Variants in SCN8A observed in about 807,000 individuals in gnomAD.
SCN8A encodes the protein sodium channel protein type 8 subunit alpha.
SCN8A carries 30 observed loss-of-function variants against 184.1 expected under a neutral mutation model. That is an observed-to-expected ratio of 0.16 (90% confidence interval 0.12 to 0.22). The LOEUF is 0.22. SCN8A is among the 10% of genes least tolerant of loss of function. The probability of loss-of-function intolerance (pLI) is 1.00; values close to 1 mark genes in which losing one functional copy is unlikely to be tolerated. For missense variants in SCN8A, 1,057 were observed against 2,498.9 expected (o/e 0.42, Z 12.30); for synonymous variants, 852 against 907.0 (o/e 0.94, Z 1.09).
At chr12:51,756,871 A>G (rs1272491905) in intron 14 of SCN8A, among the ~76,000 whole-genome samples, 1 of 152,226 alleles carries the variant, frequency 6.6e-6, no homozygotes, top group African/African-American at 2.4e-5. Flanking sequence ...AATCTGACAT[A>G]TAAGTTTAAG....
chr12:51,643,103 G>C (rs1432071873), intron 1 of SCN8A, among the ~76,000 whole-genome samples: 1 of 152,136 alleles, frequency 6.6e-6, no homozygotes, highest in African/African-American at 2.4e-5. Context: ...CAACCTGAGT[G>C]TTCCCTGAGT....
chr12:51,773,228 C>T (rs1469756830), intron 19 of SCN8A, among the ~76,000 whole-genome samples: 1 of 152,224 alleles, frequency 6.6e-6, no homozygotes, highest in Non-Finnish European at 1.5e-5. Flanking sequence ...TCAGAGCAAG[C>T]ACTTCCCATT....
chr12:51,757,166 G>A (rs1942688764), intron 14 of SCN8A, among the ~76,000 whole-genome samples: 1 of 152,192 alleles, frequency 6.6e-6, no homozygotes, highest in Non-Finnish European at 1.5e-5. Flanking sequence ...TTAAAACTGG[G>A]ACAGTCCTTG....
rs1665298730 is a variant in SCN8A at position 51,706,655 on chromosome 12, A to G, written c.1575A>G (p.Arg525=). The G allele has an allele frequency of 1.9e-6, 3 of 1,603,222 alleles. No individual in the cohort carries two copies. Among genetic ancestry groups the G allele is most frequent in the Non-Finnish European group, 2.6e-6 (3 of 1,175,368 alleles). ...VFKSESEDGM[R]RKAFRLPDNR... ...AGTCAGAGTCAGAAGATGGCATGAGAAGGAAGGCCTTTCGGCTGCCAGACA... is the reference window on the plus strand; with the variant it reads ...AGTCAGAGTCAGAAGATGGCATGAGGAGGAAGGCCTTTCGGCTGCCAGACA... Residue 525 remains arginine (R), a synonymous_variant, in exon 11 of 27, where the codon AGA becomes AGG. Transcript: ENST00000627620.
chr12:51,795,196 A>C (rs772804195), intron 26 of SCN8A, among the ~76,000 whole-genome samples: 2 of 152,124 alleles, frequency 1.3e-5, no homozygotes, highest in African/African-American at 2.4e-5. Context: ...TATTATCTGG[A>C]CTGTATACAT....
chr12:51,654,742 C>G (rs1940787120), intron 1 of SCN8A, among the ~76,000 whole-genome samples: 2 of 152,092 alleles, frequency 1.3e-5, no homozygotes, highest in Admixed American at 1.3e-4. Context: ...GAACACCTGG[C>G]CTCAAGCAGT....
intron 1 of SCN8A, among the ~76,000 whole-genome samples, chr12:51,606,537 G>A (rs971023300): frequency 6.6e-6 from 1 of 152,118 alleles, no homozygotes; most frequent in African/African-American, 2.4e-5. Flanking sequence ...CTCCAGATTT[G>A]TTCTTTTTGC....
chr12:51,597,661 A>T (rs1043339029), intron 1 of SCN8A, among the ~76,000 whole-genome samples: 2 of 152,110 alleles, frequency 1.3e-5, no homozygotes, highest in Non-Finnish European at 2.9e-5. Flanking sequence ...AACACCTCAT[A>T]TTTAATCTGT....
At chr12:51,695,650 G>A (rs538546414) in intron 6 of SCN8A, among the ~76,000 whole-genome samples, 2 of 152,132 alleles carry the variant, frequency 1.3e-5, no homozygotes, top group Admixed American at 6.5e-5. Flanking sequence ...TTCTCTCCAC[G>A]TGTCCATTTC....
intron 25 of SCN8A, 75 bp from the exon 26 acceptor site, chr12:51,794,296 A>C (rs761223671): frequency 1.2e-5 from 17 of 1,450,418 alleles, no homozygotes; most frequent in Admixed American, 9.5e-5. Context: ...CTCGATTAGC[A>C]GGGTGACAGC....
chr12:51,681,230 C>T (rs1941326691), intron 2 of SCN8A, among the ~76,000 whole-genome samples: 3 of 152,118 alleles, frequency 2.0e-5, no homozygotes, highest in South Asian at 4.1e-4. Flanking sequence ...TTCTTTGCCA[C>T]GTTGCCACTG....
intron 26 of SCN8A, among the ~76,000 whole-genome samples, chr12:51,805,071 A>G (rs1938662449): frequency 6.6e-6 from 1 of 152,180 alleles, no homozygotes; most frequent in African/African-American, 2.4e-5. Context: ...GAGTATCAGT[A>G]TCATCTTGGA....
intron 14 of SCN8A, among the ~76,000 whole-genome samples, chr12:51,759,468 A>G (rs1942730993): frequency 6.6e-6 from 1 of 152,252 alleles, no homozygotes; most frequent in African/African-American, 2.4e-5. Flanking sequence ...AGAGCAGGAC[A>G]GCTCAAGAGT....
rs1401253538 is a variant in SCN8A, at chr12:51,706,597, G to T, written c.1517G>T (p.Gly506Val). Reference protein sequence around the residue: ...KKRKQKELSEGEEKGDPEKVF... With the variant: ...KKRKQKELSEVEEKGDPEKVF... The stretch of plus-strand genomic sequence containing the variant: ...AGGAAGCAAAAGGAACTCTCTGAAG[G>T]AGAGGAGAAAGGGGATCCCGAGAAG... Residue 506 changes from glycine to valine, a missense_variant, in exon 11 of 27, where the codon GGA (glycine) becomes GTA (valine). Gly to Val is a moderately radical substitution (Grantham distance 109, BLOSUM62 -3). Around this residue, in one of 19 missense-constraint regions of SCN8A, gnomAD observed 322 missense variants for 390.1 expected, o/e 0.83. Coordinates refer to ENST00000627620, the MANE Select transcript of SCN8A (RefSeq NM_001330260.2). 6.2e-7 allele frequency: 1 copy of T among 1,609,392 alleles called. No individual in the cohort carries two copies. The highest frequency in any genetic ancestry group is 2.2e-5 in the East Asian group (1 of 44,764).
At chr12:51,798,445 G>A (rs982354293) in intron 26 of SCN8A, among the ~76,000 whole-genome samples, 5 of 152,194 alleles carry the variant, frequency 3.3e-5, no homozygotes, top group African/African-American at 7.2e-5. Context: ...GAAGAGGTCC[G>A]ATATAAGCAG....
chr12:51,616,626 A>G (rs1939844113), intron 1 of SCN8A, among the ~76,000 whole-genome samples: 1 of 151,970 alleles, frequency 6.6e-6, no homozygotes, highest in Admixed American at 6.6e-5. Context: ...ACAAACAAAA[A>G]GTGTTTCACT....
At chr12:51,790,224 G>C (rs1310750064) in intron 24 of SCN8A, among the ~76,000 whole-genome samples, 174 bp from the exon 25 acceptor site, 1 of 152,160 alleles carries the variant, frequency 6.6e-6, no homozygotes, top group East Asian at 1.9e-4. Flanking sequence ...AACAAAGGCA[G>C]GTATCTCTTT....
chr12:51,764,176 TGATAAG>T (rs1487923027), intron 15 of SCN8A, among the ~76,000 whole-genome samples: 7 of 152,226 alleles, frequency 4.6e-5, no homozygotes, highest in African/African-American at 1.7e-4. Flanking sequence ...TTGAACTCTC[TGATAAG>T]ATAACTTTTC....
intron 16 of SCN8A, 110 bp downstream of exon 16, chr12:51,766,137 T>C: frequency 1.1e-6 from 1 of 884,176 alleles, no homozygotes; most frequent in Non-Finnish European, 1.9e-6. Flanking sequence ...GTCATGTTTG[T>C]TGATTTTTAT....
Sources: allele counts gnomAD v4.1 joint callset (sites outside exome capture counted in the v4.1 genomes callset), GRCh38; gene constraint gnomAD v4.1.1; regional missense constraint gnomAD v4.1.1; transcripts MANE v1.5; gene names NCBI Gene and HGNC (gene_info 2026-07-23, HGNC 2026-07-21).